Variants in PDZRN4 observed in about 807,000 individuals in gnomAD.
PDZRN4 encodes PDZ domain containing ring finger 4, also known as PDZ domain-containing RING finger protein 4.
Under a neutral mutation model 99.0 loss-of-function variants are expected in PDZRN4, and 70 were observed. The ratio of observed to expected loss-of-function variants is 0.71; its 90% confidence interval spans 0.58 to 0.86. The LOEUF is 0.86. Ranked by LOEUF, PDZRN4 falls within the 40% of genes least tolerant of loss-of-function variation. The probability of loss-of-function intolerance (pLI) is 0.00; values close to 1 mark genes in which losing one functional copy is unlikely to be tolerated. For synonymous variants in PDZRN4, 551 were observed against 501.6 expected (o/e 1.10, Z -1.32); for missense variants, 1,474 against 1,331.2 (o/e 1.11, Z -1.67).
chr12:41,373,361 C>G (rs958925245), intron 3 of PDZRN4, among the ~76,000 whole-genome samples: 1 of 152,096 alleles, frequency 6.6e-6, no homozygotes, highest in Non-Finnish European at 1.5e-5. Flanking sequence ...CTACAGGAGA[C>G]TGGGGCTTAT....
In PDZRN4 at chr12:41,426,828, G is replaced by A. The variant is rs573757268; in HGVS notation, c.844-79628G>A. On this transcript the variant is annotated intron_variant, in intron 3 of 9. Transcript: ENST00000402685. ...AATACCTTACATGTAGACTTAGAAG[G>A]AAGGAATGGATGCACACAAATGAGT... Among the ~76,000 whole-genome samples the A allele has an allele frequency of 2.0e-4, 31 of 152,286 alleles. No homozygotes were observed. The South Asian group carries it at 6.4e-3, about 32-fold the overall frequency.
At chr12:41,452,692 AT>A (rs1952785602) in intron 3 of PDZRN4, among the ~76,000 whole-genome samples, 1 of 152,166 alleles carries the variant, frequency 6.6e-6, no homozygotes, top group Non-Finnish European at 1.5e-5. Flanking sequence ...TTAATTTAAA[AT>A]TTTAAATAAG....
intron 4 of PDZRN4, among the ~76,000 whole-genome samples, chr12:41,508,382 C>G (rs1938244206): frequency 6.6e-6 from 1 of 152,144 alleles, no homozygotes; most frequent in African/African-American, 2.4e-5. Flanking sequence ...GTATTTTTCC[C>G]TTAATTATTG....
intron 3 of PDZRN4, among the ~76,000 whole-genome samples, chr12:41,407,175 G>C (rs2120363900): frequency 6.6e-6 from 1 of 152,244 alleles, no homozygotes; most frequent in Non-Finnish European, 1.5e-5. Context: ...CCTTGGCAAA[G>C]TCCTCATCCA....
In PDZRN4 at chr12:41,210,202, T is replaced by G. The variant is rs1566362319; in HGVS notation, c.843+16014T>G. On this transcript the variant is annotated intron_variant, in intron 3 of 9. Transcript: ENST00000402685. ...CACTTTTTGATGGGGTTGTTTGTTT[T>G]TTTCTTGTAAATTTGTTTGAGTTCA... is the stretch of plus-strand genomic sequence containing the variant. 3.3e-5 allele frequency among the ~76,000 whole-genome samples: 5 copies of G among 152,060 alleles called. 1 individual carries two copies. In the South Asian group the frequency reaches 8.3e-4, roughly 25 times the overall value.
At chr12:41,390,172 T>A (rs1282980065) in intron 3 of PDZRN4, among the ~76,000 whole-genome samples, 1 of 152,124 alleles carries the variant, frequency 6.6e-6, no homozygotes, top group Admixed American at 6.6e-5. Flanking sequence ...CTCTTAACAC[T>A]GATAATCTAG....
chr12:41,360,852 A>G (rs1389287278), intron 3 of PDZRN4, among the ~76,000 whole-genome samples: 3 of 152,010 alleles, frequency 2.0e-5, no homozygotes, highest in Admixed American at 2.0e-4. Context: ...CTTCTGTTGC[A>G]TGAGGTTTTC....
chr12:41,337,012 T>C (rs1951780451), intron 3 of PDZRN4, among the ~76,000 whole-genome samples: 1 of 152,084 alleles, frequency 6.6e-6, no homozygotes, highest in African/African-American at 2.4e-5. Context: ...TAATTTCTAA[T>C]CTTGTAGCTA....
intron 3 of PDZRN4, among the ~76,000 whole-genome samples, chr12:41,456,586 A>T (rs2730802): frequency 0.52 from 78,172 of 151,542 alleles, 20,660 homozygotes; most frequent in African/African-American, 0.65. Context: ...GGTTGGCCTA[A>T]AACAAGTGTT....
At chr12:41,230,511 T>C (rs1951021544) in intron 3 of PDZRN4, among the ~76,000 whole-genome samples, 1 of 152,126 alleles carries the variant, frequency 6.6e-6, no homozygotes, top group South Asian at 2.1e-4. Context: ...TGGATTATCT[T>C]TATTTCTGCT....
intron 3 of PDZRN4, among the ~76,000 whole-genome samples, chr12:41,451,932 G>GCA (rs1952777968): frequency 1.3e-5 from 2 of 152,098 alleles, no homozygotes. Context: ...TGGCAGCTTT[G>GCA]AAGTATTTGC....
intron 3 of PDZRN4, among the ~76,000 whole-genome samples, chr12:41,339,123 G>A (rs75137660): frequency 0.014 from 1,555 of 112,206 alleles, 38 homozygotes; most frequent in African/African-American, 0.045. Context: ...AAGTCATTCC[G>A]AGCAAAAAAA....
rs2120621350 is a variant in PDZRN4, at chr12:41,188,829, G to T, written c.374G>T (p.Gly125Val). ...RGGCASGLGG[G>V]EVPARGGCGP... ...GGCTGCGCTTCGGGGCTGGGCGGTG[G>T]TGAGGTGCCCGCGCGGGGGGGCTGC... The change falls in exon 1 of 10, where the codon GGT becomes GTT. Residue 125 changes from glycine (G) to valine (V), a missense_variant. By Grantham distance (109) the Gly-to-Val change is moderately radical (BLOSUM62 -3). Coordinates refer to ENST00000402685, the MANE Select transcript of PDZRN4 (RefSeq NM_001164595.2). The T allele has an allele frequency of 2.3e-6, 3 of 1,286,986 alleles. No homozygotes were observed. The highest frequency in any genetic ancestry group is 6.4e-5 in the East Asian group (2 of 31,404). The allele number at this position is 1,286,986 out of a possible 1,614,324, so 79.7% of individuals were successfully genotyped here.
chr12:41,540,188 T>C (rs889633154), intron 5 of PDZRN4, among the ~76,000 whole-genome samples: 5 of 152,228 alleles, frequency 3.3e-5, no homozygotes, highest in African/African-American at 1.2e-4. Context: ...TTAATCATTA[T>C]GTATTTACAA....
chr12:41,391,846 T>C (rs901839805), intron 3 of PDZRN4, among the ~76,000 whole-genome samples: 3 of 152,170 alleles, frequency 2.0e-5, no homozygotes, highest in African/African-American at 7.2e-5. Context: ...CAGTTCTAAT[T>C]GAATAAGTGT....
chr12:41,436,597 C>T (rs1044189183), intron 3 of PDZRN4, among the ~76,000 whole-genome samples: 3 of 152,194 alleles, frequency 2.0e-5, no homozygotes, highest in African/African-American at 7.2e-5. Context: ...GGAACAAGGA[C>T]ATACTTCTTA....
chr12:41,445,909 A>C (rs1952722811), intron 3 of PDZRN4, among the ~76,000 whole-genome samples: 1 of 152,090 alleles, frequency 6.6e-6, no homozygotes, highest in African/African-American at 2.4e-5. Context: ...TGTTTTCTAT[A>C]TCTAAATGCA....
chr12:41,268,123 T>G (rs1309021206), intron 3 of PDZRN4, among the ~76,000 whole-genome samples: 1 of 152,156 alleles, frequency 6.6e-6, no homozygotes, highest in African/African-American at 2.4e-5. Flanking sequence ...GGCATTTTTT[T>G]TATTTTTAAC....
intron 5 of PDZRN4, among the ~76,000 whole-genome samples, chr12:41,546,314 C>G (rs1270887919): frequency 6.6e-6 from 1 of 152,120 alleles, no homozygotes; most frequent in Non-Finnish European, 1.5e-5. Flanking sequence ...TGCTTTTTAT[C>G]TAGAGTCATG....
Sources: allele counts gnomAD v4.1 joint callset (sites outside exome capture counted in the v4.1 genomes callset), GRCh38; gene constraint gnomAD v4.1.1; transcripts MANE v1.5; gene names NCBI Gene and HGNC (gene_info 2026-07-23, HGNC 2026-07-21).